TMEM63A: variants seen among roughly 807,000 people sequenced by gnomAD.
The protein encoded by TMEM63A is mechanosensitive cation channel TMEM63A.
In TMEM63A, 76 loss-of-function variants were observed where a neutral mutation model predicts 100.6. That is an observed-to-expected ratio of 0.76 (90% CI 0.63 to 0.91). The LOEUF is 0.91. Among genes scored for constraint, TMEM63A ranks in the 40% least tolerant of loss-of-function variants. The pLI is 0.00. For missense variants in TMEM63A, 876 were observed against 1,008.8 expected (o/e 0.87, Z 1.78); for synonymous variants, 401 against 401.1 (o/e 1.00, Z 0.00).
At chr1:225,877,659 A>G in intron 2 of TMEM63A, 65 bp from the exon 3 acceptor site, 1 of 1,478,610 alleles carries the variant, frequency 6.8e-7, no homozygotes, top group Non-Finnish European at 9.1e-7. Flanking sequence ...GGTTCCCACC[A>G]GTGCTGGCAG....
intron 3 of TMEM63A, among the ~76,000 whole-genome samples, chr1:225,875,166 G>C (rs1050226105): frequency 6.6e-6 from 1 of 152,204 alleles, no homozygotes; most frequent in East Asian, 1.9e-4. Context: ...CCCCAGCAGA[G>C]AGCATGCATG....
intron 10 of TMEM63A, chr1:225,864,764 G>A (rs150778339): frequency 6.6e-6 from 1 of 152,306 alleles, no homozygotes; most frequent in Non-Finnish European, 1.5e-5. Context: ...CACAAATAGT[G>A]CAAAGTTAAA....
At position 225,867,283 on chromosome 1, in the gene TMEM63A, G is replaced by A. The variant is rs575953418; in HGVS notation, c.515-120C>T. On this transcript the variant is annotated intron_variant, in intron 7 of 24. Coordinates refer to ENST00000366835, the MANE Select transcript of TMEM63A (RefSeq NM_014698.3). The surrounding 1 kb of genome is among the most constrained non-coding windows in gnomAD (Gnocchi z 4.6). ...AGGAGCATGTCTGGACCAGCAGGAA[G>A]ACAACGTCTGACTGGTCTTTCCAGA... is the stretch of plus-strand genomic sequence containing the variant. 1.6e-4 allele frequency: 158 copies of A among 980,604 alleles called. No homozygotes were observed. Among genetic ancestry groups the A allele is most frequent in the Non-Finnish European group, 2.5e-4 (150 of 609,598 alleles). The allele number at this position is 980,604 out of a possible 1,614,324, so 60.7% of individuals were successfully genotyped here. A position where few individuals can be genotyped will look rare whatever the true frequency, so the allele number is the denominator to read the frequency against.
chr1:225,858,616 T>A (rs1669768866), intron 15 of TMEM63A, among the ~76,000 whole-genome samples: 1 of 152,162 alleles, frequency 6.6e-6, no homozygotes, highest in Admixed American at 6.5e-5. Context: ...TGAGCTACCG[T>A]GCCCGGCCCC....
At chr1:225,844,013 T>C (rs1011664708), downstream of TMEM63A, among the ~76,000 whole-genome samples, 8 of 152,064 alleles carry the variant, frequency 5.3e-5, no homozygotes, top group Admixed American at 4.6e-4. Flanking sequence ...CTGTGGAGTA[T>C]GCATCCTGGA....
intron 8 of TMEM63A, 115 bp downstream of exon 8, chr1:225,866,997 G>A: frequency 1.9e-6 from 2 of 1,027,808 alleles, no homozygotes; most frequent in Non-Finnish European, 3.1e-6. Context: ...GCTGCAAGGG[G>A]CCTTCAGATA....
chr1:225,881,897 C>T (rs1671108210), intron 1 of TMEM63A, among the ~76,000 whole-genome samples: 1 of 152,170 alleles, frequency 6.6e-6, no homozygotes, highest in African/African-American at 2.4e-5. Context: ...GTGGCCTCTG[C>T]CTTCCTGGCG....
intron 18 of TMEM63A, 27 bp downstream of exon 18, chr1:225,855,851 T>C: frequency 6.2e-7 from 1 of 1,612,682 alleles, no homozygotes. Context: ...GGGCCATGGC[T>C]CCAGAACTCA....
chr1:225,855,862 A>C lies in TMEM63A; in HGVS notation c.1634+16T>G, dbSNP rs761693670. 6.2e-7 allele frequency: 1 copy of C among 1,613,568 alleles called. No homozygotes were observed. The highest frequency in any genetic ancestry group is 1.1e-5 in the South Asian group (1 of 90,962). ...CCCAGGGCCATGGCTCCAGAACTCA[A>C]CTTGGCAATACTCACTCCAACCTGA... On this transcript the variant is annotated intron_variant, in intron 18 of 24. Transcript: ENST00000366835.
rs757456485 is a variant in TMEM63A, at chr1:225,866,719, C to A, written c.567-37G>T. 4.4e-6 allele frequency: 7 copies of A among 1,600,296 alleles called. No homozygotes were observed. The South Asian group carries it at 7.7e-5, about 18-fold the overall frequency. ...ACCACCTGCCATCAGGGCTGGGATC[C>A]CAGGCAGGGAGCTGGGGGTGCAGAG... is the stretch of plus-strand genomic sequence containing the variant. On this transcript the variant is annotated intron_variant, in intron 8 of 24. Coordinates refer to ENST00000366835, the MANE Select transcript of TMEM63A (RefSeq NM_014698.3).
At chr1:225,868,721 A>G (rs1050401317) in intron 6 of TMEM63A, among the ~76,000 whole-genome samples, 1 of 151,542 alleles carries the variant, frequency 6.6e-6, no homozygotes, top group Non-Finnish European at 1.5e-5. Context: ...AAAGTTGGGA[A>G]TATGCCCAGG....
At position 225,852,735 on chromosome 1, in the gene TMEM63A, T is replaced by C; in HGVS notation, c.1832A>G (p.Tyr611Cys). ...AGTGAAGACACACAGCATCCATGCA[T>C]ACATGGCTCCAAACTCGTACTGGAA... ...QAFQYEFGAM[Y>C]AWMLCVFTVI... The change falls in exon 20 of 25, where the codon TAT becomes TGT. Residue 611 changes from tyrosine to cysteine, a missense_variant. Physicochemically the swap from Tyr to Cys is radical, Grantham distance 194. This residue lies in a region of TMEM63A where 339 missense variants were observed against 342.3 expected (regional missense o/e 0.99). Transcript: ENST00000366835. 6.2e-7 allele frequency: 1 copy of C among 1,614,020 alleles called. No individual in the cohort carries two copies. The highest frequency in any genetic ancestry group is 1.1e-5 in the South Asian group (1 of 91,070).
At chr1:225,849,550 T>A (rs1297292866) in intron 21 of TMEM63A, among the ~76,000 whole-genome samples, 2 of 152,228 alleles carry the variant, frequency 1.3e-5, no homozygotes, top group African/African-American at 4.8e-5. Context: ...AGGCACTATC[T>A]TCTCTCCAGG....
intron 2 of TMEM63A, 23 bp from the exon 3 acceptor site, chr1:225,877,617 A>C: frequency 1.3e-6 from 2 of 1,585,416 alleles, no homozygotes; most frequent in Non-Finnish European, 1.7e-6. Flanking sequence ...ACAACAGGAC[A>C]AGGCAGACGT....
chr1:225,870,543 T>C (rs886427417), intron 6 of TMEM63A, among the ~76,000 whole-genome samples: 4 of 151,794 alleles, frequency 2.6e-5, no homozygotes, highest in South Asian at 4.2e-4. Flanking sequence ...ATGGGCCCCA[T>C]TGAAAAAAAG....
Position 225,865,800 on chromosome 1 carries a change from G to T in TMEM63A, c.746+97C>A. ...ATCTCACCTGGATACCCAAGCGAGAGACAGAAGGCGCTCACCTAAGGTGCT... is the reference window on the plus strand; with the variant it reads ...ATCTCACCTGGATACCCAAGCGAGATACAGAAGGCGCTCACCTAAGGTGCT... On this transcript the variant is annotated intron_variant, in intron 10 of 24. Coordinates refer to ENST00000366835, the MANE Select transcript of TMEM63A (RefSeq NM_014698.3). This position sits in a 1 kb window ranked among gnomAD's most constrained non-coding sequence, Gnocchi z 4.6. The T allele has an allele frequency of 7.8e-7, 1 of 1,275,370 alleles. No individual in the cohort carries two copies. Among genetic ancestry groups the T allele is most frequent in the Non-Finnish European group, 1.1e-6 (1 of 898,398 alleles). The allele number at this position is 1,275,370 out of a possible 1,614,324, so 79.0% of individuals were successfully genotyped here.
intron 2 of TMEM63A, chr1:225,877,803 G>A: frequency 1.9e-6 from 1 of 513,040 alleles, no homozygotes; most frequent in South Asian, 2.5e-5. Flanking sequence ...GACAATCTCA[G>A]GGGATCAGAT....
chr1:225,846,840 G>T lies in TMEM63A; in HGVS notation c.*99C>A. On this transcript the variant is annotated 3_prime_UTR_variant, in exon 25 of 25. Transcript: ENST00000366835. Reference sequence around the variant, plus strand: ...CTGGGACCAGAAAAGATGGGCACCTGATAGCTCAGCTGGGCAGTCCCAACG... The same window carrying T: ...CTGGGACCAGAAAAGATGGGCACCTTATAGCTCAGCTGGGCAGTCCCAACG... The T allele has an allele frequency of 1.7e-6, 1 of 589,176 alleles. No individual in the cohort carries two copies. Among genetic ancestry groups the T allele is most frequent in the Non-Finnish European group, 2.8e-6 (1 of 362,874 alleles). 36.5% of individuals were successfully genotyped at this position (589,176 alleles called of 1,614,324 possible).
downstream of TMEM63A, chr1:225,845,532 T>G: frequency 1.6e-6 from 1 of 622,520 alleles, no homozygotes; most frequent in Non-Finnish European, 2.8e-6. Flanking sequence ...GTAAGCAACA[T>G]GGCTTTGATG....
Sources: allele counts gnomAD v4.1 joint callset (sites outside exome capture counted in the v4.1 genomes callset), GRCh38; gene constraint gnomAD v4.1.1; regional missense constraint gnomAD v4.1.1; non-coding constraint Gnocchi (gnomAD v3.1); transcripts MANE v1.5; gene names NCBI Gene and HGNC (gene_info 2026-07-23, HGNC 2026-07-21).